Variants in TMEM132B observed in about 807,000 individuals in gnomAD.
TMEM132B encodes the protein transmembrane protein 132B.
In TMEM132B, 18 loss-of-function variants were observed where a neutral mutation model predicts 90.8. That is an observed-to-expected ratio of 0.20 (90% CI 0.14 to 0.29). The LOEUF (loss-of-function observed/expected upper bound fraction) is 0.29. TMEM132B is among the 10% of genes least tolerant of loss of function. The probability of loss-of-function intolerance (pLI) is 1.00; values close to 1 mark genes in which losing one functional copy is unlikely to be tolerated. For missense variants in TMEM132B, 1,096 were observed against 1,326.8 expected, an observed-to-expected ratio of 0.83 and a Z score of 2.70; for synonymous variants, 504 against 523.3, an observed-to-expected ratio of 0.96 and a Z score of 0.50.
intron 5 of TMEM132B, among the ~76,000 whole-genome samples, chr12:125,589,993 A>G (rs1003071358): frequency 1.3e-5 from 2 of 152,126 alleles, no homozygotes; most frequent in Admixed American, 6.5e-5. Context: ...CGGATCCCTC[A>G]TGAATGGCTT....
chr12:125,207,220 A>G (rs767112201), intron 1 of TMEM132B, among the ~76,000 whole-genome samples: 3 of 152,214 alleles, frequency 2.0e-5, no homozygotes, highest in Non-Finnish European at 2.9e-5. Flanking sequence ...GGCCGGTAGC[A>G]CTGGGTCCTC....
At chr12:125,239,271 T>C (rs1874010254) in intron 1 of TMEM132B, among the ~76,000 whole-genome samples, 2 of 152,210 alleles carry the variant, frequency 1.3e-5, no homozygotes, top group Admixed American at 1.3e-4. Context: ...TTCTGATTTG[T>C]TCTGACATAT....
chr12:125,575,647 A>T (rs900422308), intron 4 of TMEM132B, among the ~76,000 whole-genome samples: 26 of 152,092 alleles, frequency 1.7e-4, no homozygotes, highest in African/African-American at 6.3e-4. Context: ...GTCTGAAGTC[A>T]TGAAGATTTA....
intron 3 of TMEM132B, among the ~76,000 whole-genome samples, chr12:125,418,978 C>T (rs1432392562): frequency 6.6e-6 from 1 of 152,120 alleles, no homozygotes; most frequent in Non-Finnish European, 1.5e-5. Flanking sequence ...ATGGAAGCCA[C>T]GTGCAGCTAG....
intron 1 of TMEM132B, among the ~76,000 whole-genome samples, chr12:125,275,921 G>A (rs1164629742): frequency 1.3e-5 from 2 of 152,090 alleles, no homozygotes; most frequent in African/African-American, 4.8e-5. Flanking sequence ...CCTATGTTGT[G>A]CAGTCTGGTC....
intron 4 of TMEM132B, among the ~76,000 whole-genome samples, chr12:125,532,280 G>C (rs1453456761): frequency 6.6e-6 from 1 of 152,166 alleles, no homozygotes; most frequent in African/African-American, 2.4e-5. Context: ...AATTCCAGGG[G>C]CTTCAGCGGC....
Position 125,563,598 on chromosome 12 carries a change from C to CAAACAAAA in TMEM132B, c.1294-20250_1294-20249insCAAAAAAA, listed in dbSNP as rs774597550. The stretch of plus-strand genomic sequence containing the variant: ...ACAAACAAACAAACAAACAAACAAA[C>CAAACAAAA]AAAAAAAAACCCCACAGTATCTGTG... On this transcript the variant is annotated intron_variant, in intron 4 of 8. Coordinates refer to ENST00000682704, the MANE Select transcript of TMEM132B (RefSeq NM_001366854.1). Among the ~76,000 whole-genome samples the CAAACAAAA allele has an allele frequency of 1.2e-3, 180 of 150,274 alleles. 2 individuals are homozygous for CAAACAAAA. Among genetic ancestry groups the CAAACAAAA allele is most frequent in the East Asian group, 6.7e-3 (34 of 5,102 alleles).
At chr12:125,571,858 A>G (rs1027979422) in intron 4 of TMEM132B, among the ~76,000 whole-genome samples, 8 of 152,256 alleles carry the variant, frequency 5.3e-5, no homozygotes, top group Non-Finnish European at 1.0e-4. Flanking sequence ...ATGTCAATGC[A>G]AAGTGTTATC....
At chr12:125,232,158 A>C (rs1038327924) in intron 1 of TMEM132B, among the ~76,000 whole-genome samples, 1 of 152,148 alleles carries the variant, frequency 6.6e-6, no homozygotes, top group Non-Finnish European at 1.5e-5. Flanking sequence ...ATTTTAAAAA[A>C]TCTCTCCATT....
At chr12:125,394,425 A>G (rs917967028) in intron 2 of TMEM132B, among the ~76,000 whole-genome samples, 4 of 152,174 alleles carry the variant, frequency 2.6e-5, no homozygotes, top group Non-Finnish European at 4.4e-5. Context: ...GTGGTTGCAA[A>G]TGATACACAT....
At chr12:125,230,997 G>T (rs1873807804) in intron 1 of TMEM132B, among the ~76,000 whole-genome samples, 1 of 152,078 alleles carries the variant, frequency 6.6e-6, no homozygotes, top group Non-Finnish European at 1.5e-5. Context: ...AAATCTGGTG[G>T]CTTAACAAAA....
chr12:125,377,688 G>A (rs1878537454), intron 2 of TMEM132B, among the ~76,000 whole-genome samples: 1 of 152,074 alleles, frequency 6.6e-6, no homozygotes, highest in African/African-American at 2.4e-5. Context: ...TCTCTCATGG[G>A]ACGTCTGAAT....
At chr12:125,629,769 G>A (rs143242365) in intron 5 of TMEM132B, among the ~76,000 whole-genome samples, 263 of 152,262 alleles carry the variant, frequency 1.7e-3, no homozygotes, top group Non-Finnish European at 2.9e-3. Flanking sequence ...AATACTAACT[G>A]TGGGTCTGTG....
chr12:125,188,852 C>A (rs1271828155), intron 1 of TMEM132B, among the ~76,000 whole-genome samples: 456 of 90,972 alleles, frequency 5.0e-3, no homozygotes, highest in Middle Eastern at 0.014. Context: ...GGAGGGATGG[C>A]AAAAAAAAAA....
chr12:125,426,603 G>GC (rs1880325866), intron 3 of TMEM132B, among the ~76,000 whole-genome samples: 1 of 152,332 alleles, frequency 6.6e-6, no homozygotes, highest in African/African-American at 2.4e-5. Context: ...CTGGCAACAT[G>GC]CAGGTTCATA....
intron 1 of TMEM132B, among the ~76,000 whole-genome samples, chr12:125,208,937 G>T (rs568238854): frequency 2.0e-5 from 3 of 152,338 alleles, no homozygotes; most frequent in African/African-American, 7.2e-5. Context: ...TGCAGAGGGT[G>T]CTCAGGCCTC....
chr12:125,650,870 A>G lies in TMEM132B; in HGVS notation c.1831A>G (p.Met611Val). The change falls in exon 7 of 9, where the codon ATG (methionine) becomes GTG (valine). Residue 611 changes from methionine (M) to valine (V), a missense_variant. Physicochemically the swap from Met to Val is conservative, Grantham distance 21. Transcript: ENST00000682704. Reference sequence around the variant, plus strand: ...CATCACTGACCTTGTGACCGAGTTCATGAAGGTGGAGGAGCCGAAAATCGC... The same window carrying G: ...CATCACTGACCTTGTGACCGAGTTCGTGAAGGTGGAGGAGCCGAAAATCGC... Reference protein sequence around the residue: ...FDITDLVTEFMKVEEPKIAQL... With the variant: ...FDITDLVTEFVKVEEPKIAQL... 2 of 1,614,090 alleles carry G rather than the reference A, an allele frequency of 1.2e-6. No homozygotes were observed. The highest frequency in any genetic ancestry group is 1.7e-6 in the Non-Finnish European group (2 of 1,180,034).
At chr12:125,561,036 G>C (rs928937844) in intron 4 of TMEM132B, among the ~76,000 whole-genome samples, 1 of 151,906 alleles carries the variant, frequency 6.6e-6, no homozygotes, top group African/African-American at 2.4e-5. Flanking sequence ...ATACCCAAAG[G>C]ATTATAAATC....
chr12:125,644,754 G>A (rs1167340606), intron 6 of TMEM132B, among the ~76,000 whole-genome samples: 2 of 151,978 alleles, frequency 1.3e-5, no homozygotes, highest in African/African-American at 2.4e-5. Context: ...ATCCCGCGCC[G>A]GGCAAGACTC....
Sources: gnomAD v4.1 joint callset for allele counts (sites outside exome capture counted in the v4.1 genomes callset) on GRCh38, gnomAD v4.1.1 for gene constraint, MANE v1.5 for transcripts, NCBI Gene and HGNC (gene_info 2026-07-23, HGNC 2026-07-21) for gene names.